Variants in PTPN13 observed in about 807,000 individuals in gnomAD.
The protein encoded by PTPN13 is tyrosine-protein phosphatase non-receptor type 13.
PTPN13 carries 191 observed loss-of-function variants against 284.0 expected under a neutral mutation model. The observed-to-expected ratio is 0.67, with a 90% CI of 0.60 to 0.76. PTPN13 has a LOEUF of 0.76. Ranked by LOEUF, PTPN13 falls within the 30% of genes least tolerant of loss-of-function variation. The pLI, the probability that PTPN13 is intolerant of heterozygous loss-of-function variation, is 0.00. For missense variants in PTPN13, 2,797 were observed against 2,939.9 expected (o/e 0.95, Z 1.12); for synonymous variants, 986 against 1,022.3 (o/e 0.96, Z 0.68).
chr4:86,787,051 C>T (rs1393439028), intron 40 of PTPN13, among the ~76,000 whole-genome samples: 3 of 150,740 alleles, frequency 2.0e-5, no homozygotes, highest in South Asian at 2.1e-4. Flanking sequence ...TTGCATTGAG[C>T]GGAGATCATG....
chr4:86,761,190 C>T (rs548748882), intron 23 of PTPN13, among the ~76,000 whole-genome samples: 3 of 141,558 alleles, frequency 2.1e-5, no homozygotes, highest in African/African-American at 7.8e-5. Flanking sequence ...CATACACACA[C>T]TATTTTTTAA....
intron 2 of PTPN13, among the ~76,000 whole-genome samples, chr4:86,652,906 G>A (rs1003728266): frequency 6.6e-6 from 1 of 151,574 alleles, no homozygotes; most frequent in Non-Finnish European, 1.5e-5. Flanking sequence ...TTATTTTCCA[G>A]ATCTCGTAGC....
chr4:86,797,456 T>C (rs12171458), intron 41 of PTPN13, among the ~76,000 whole-genome samples: 43,007 of 151,336 alleles, frequency 0.28, 6,210 homozygotes, highest in African/African-American at 0.31. Flanking sequence ...CGCGCCACTG[T>C]ACTCCAGCCT....
chr4:86,639,695 G>A (rs1448616250), intron 2 of PTPN13, among the ~76,000 whole-genome samples: 2 of 151,854 alleles, frequency 1.3e-5, no homozygotes, highest in Admixed American at 1.3e-4. Flanking sequence ...GGGGGGAAGG[G>A]GGAAGGATAG....
At chr4:86,812,542 G>A (rs1246369079) in intron 47 of PTPN13, among the ~76,000 whole-genome samples, 1 of 152,150 alleles carries the variant, frequency 6.6e-6, no homozygotes, top group Non-Finnish European at 1.5e-5. Flanking sequence ...CAGATTGGGG[G>A]TACGATTTTA....
intron 20 of PTPN13, 119 bp downstream of exon 20, chr4:86,753,184 A>G: frequency 1.6e-6 from 1 of 619,778 alleles, no homozygotes; most frequent in Admixed American, 3.4e-5. Flanking sequence ...TCTTACATTG[A>G]AGTTAAAGGA....
chr4:86,595,158 C>T (rs1035197086), intron 1 of PTPN13, among the ~76,000 whole-genome samples: 12 of 152,042 alleles, frequency 7.9e-5, no homozygotes, highest in African/African-American at 2.9e-4. Context: ...TCTGTGCGTG[C>T]TTAAGGGAAG....
chr4:86,772,980 TA>T (rs369664420), intron 32 of PTPN13, 22 bp downstream of exon 32: 14,681 of 1,444,054 alleles, frequency 0.01, 92 homozygotes, highest in Middle Eastern at 0.017. Context: ...TCTCTATATT[TA>T]AAAAAAAATC....
At chr4:86,782,322 G>GGTTCAAAACACAAACA in intron 37 of PTPN13, 60 bp downstream of exon 37, 1 of 1,421,440 alleles carries the variant, frequency 7.0e-7, no homozygotes, top group Non-Finnish European at 9.9e-7. Flanking sequence ...CTGCATGTTT[G>GGTTCAAAACACAAACA]TGTTTTGAAC....
rs1216267312 is a variant in PTPN13, at chr4:86,724,463, G to A, written c.1608+2029G>A. Reference sequence around the variant, plus strand: ...TCGTACCTTTATAGCATGCCACTGTGATATGTCATCTCGCTAAAAACCTGT... The same window carrying A: ...TCGTACCTTTATAGCATGCCACTGTAATATGTCATCTCGCTAAAAACCTGT... On this transcript the variant is annotated intron_variant, in intron 10 of 47. Transcript: ENST00000411767. 2.6e-5 allele frequency among the ~76,000 whole-genome samples: 4 copies of A among 152,280 alleles called. No individual in the cohort carries two copies. The East Asian group carries it at 7.7e-4, about 29-fold the overall frequency.
At chr4:86,626,791 A>C (rs190143033) in intron 1 of PTPN13, among the ~76,000 whole-genome samples, 1 of 152,258 alleles carries the variant, frequency 6.6e-6, no homozygotes, top group Admixed American at 6.5e-5. Flanking sequence ...ATAAAAAGTT[A>C]TATGTGGATT....
intron 2 of PTPN13, among the ~76,000 whole-genome samples, chr4:86,672,054 A>T (rs987357288): frequency 6.6e-6 from 1 of 152,218 alleles, no homozygotes; most frequent in African/African-American, 2.4e-5. Flanking sequence ...TGTCACGTTG[A>T]TAAAACATTT....
At chr4:86,759,754 A>G (rs1288270489) in intron 23 of PTPN13, among the ~76,000 whole-genome samples, 3 of 152,236 alleles carry the variant, frequency 2.0e-5, no homozygotes, top group African/African-American at 7.2e-5. Flanking sequence ...CGTATATCAA[A>G]TGGTGACTAT....
chr4:86,745,162 G>C, intron 17 of PTPN13, 34 bp downstream of exon 17: 1 of 1,560,790 alleles, frequency 6.4e-7, no homozygotes, highest in African/African-American at 1.4e-5. Flanking sequence ...GATGACTCCT[G>C]GGAATATGAA....
At chr4:86,730,927 G>C (rs941156154) in intron 10 of PTPN13, among the ~76,000 whole-genome samples, 1 of 152,146 alleles carries the variant, frequency 6.6e-6, no homozygotes, top group Non-Finnish European at 1.5e-5. Context: ...TTCCTATTCG[G>C]CTATCTTCCA....
intron 1 of PTPN13, among the ~76,000 whole-genome samples, chr4:86,597,957 T>G (rs1428440853): frequency 6.6e-6 from 1 of 152,210 alleles, no homozygotes; most frequent in Non-Finnish European, 1.5e-5. Context: ...ATTTTTGTTT[T>G]GTTTTGATTT....
chr4:86,805,764 G>T (rs2149379908), intron 44 of PTPN13, among the ~76,000 whole-genome samples: 1 of 152,216 alleles, frequency 6.6e-6, no homozygotes, highest in Middle Eastern at 3.4e-3. Flanking sequence ...TTAGTTTAGA[G>T]AAATATCTAT....
chr4:86,694,921 A>C (rs187115908), intron 6 of PTPN13, among the ~76,000 whole-genome samples: 1 of 151,888 alleles, frequency 6.6e-6, no homozygotes, highest in Non-Finnish European at 1.5e-5. Context: ...TTTTAATTTA[A>C]TCAGAGCATC....
intron 31 of PTPN13, among the ~76,000 whole-genome samples, chr4:86,771,969 G>A (rs547260604): frequency 6.6e-6 from 1 of 152,270 alleles, no homozygotes; most frequent in Admixed American, 6.5e-5. Context: ...AGCATACAAA[G>A]AGAAGGACTA....
Sources: gnomAD v4.1 joint callset for allele counts (sites outside exome capture counted in the v4.1 genomes callset) on GRCh38, gnomAD v4.1.1 for gene constraint, MANE v1.5 for transcripts, NCBI Gene and HGNC (gene_info 2026-07-23, HGNC 2026-07-21) for gene names.